NIPBL: variants seen among roughly 807,000 people sequenced by gnomAD.
The protein encoded by NIPBL is NIPBL cohesin loading factor, also known as nipped-B-like protein.
A neutral mutation model predicts 321.8 loss-of-function variants in NIPBL; 19 were observed. The ratio of observed to expected loss-of-function variants is 0.06; its 90% CI spans 0.04 to 0.09. NIPBL has a LOEUF of 0.09. NIPBL is among the 10% of genes least tolerant of loss of function. The pLI, the probability that NIPBL is intolerant of heterozygous loss-of-function variation, is 1.00. For synonymous variants in NIPBL, 1,106 were observed against 1,114.1 expected, an observed-to-expected ratio of 0.99 and a Z score of 0.14; for missense variants, 2,210 against 3,327.0, an observed-to-expected ratio of 0.66 and a Z score of 8.26.
intron 10 of NIPBL, among the ~76,000 whole-genome samples, chr5:36,993,950 G>A (rs936550793): frequency 1.2e-4 from 18 of 152,090 alleles, no homozygotes; most frequent in African/African-American, 4.1e-4. Flanking sequence ...TAGGTCATGT[G>A]GAAAAGGGAA....
chr5:37,056,716 A>G (rs1754126662), intron 42 of NIPBL, among the ~76,000 whole-genome samples: 3 of 152,318 alleles, frequency 2.0e-5, no homozygotes, highest in Admixed American at 2.0e-4. Flanking sequence ...ACTGATCTCC[A>G]TATAGGTTAA....
intron 1 of NIPBL, among the ~76,000 whole-genome samples, chr5:36,918,755 A>G (rs1432498217): frequency 1.3e-5 from 2 of 152,136 alleles, no homozygotes; most frequent in African/African-American, 4.8e-5. Context: ...ATTTTGTCAA[A>G]GGCCTTTTCT....
intron 38 of NIPBL, among the ~76,000 whole-genome samples, chr5:37,047,376 A>G (rs1393471124): frequency 6.6e-6 from 1 of 152,238 alleles, no homozygotes; most frequent in East Asian, 1.9e-4. Flanking sequence ...AAAAGATTCT[A>G]ACTTACCCAT....
intron 1 of NIPBL, among the ~76,000 whole-genome samples, chr5:36,884,842 G>T (rs1326087737): frequency 6.6e-6 from 1 of 151,982 alleles, no homozygotes; most frequent in Non-Finnish European, 1.5e-5. Context: ...TTTGGGGGTA[G>T]GAATATTTTA....
intron 1 of NIPBL, among the ~76,000 whole-genome samples, chr5:36,932,778 G>GT (rs35264312): frequency 0.079 from 5,477 of 69,732 alleles, 646 homozygotes; most frequent in African/African-American, 0.25. Context: ...TTCCTCTGCT[G>GT]TTTTTTTTTT....
At chr5:37,040,182 G>T (rs1036123503) in intron 34 of NIPBL, among the ~76,000 whole-genome samples, 2 of 152,082 alleles carry the variant, frequency 1.3e-5, no homozygotes, top group Non-Finnish European at 2.9e-5. Context: ...GTCCTTGCAT[G>T]ATTTTGAACC....
chr5:36,983,390 T>C (rs1298040288), intron 9 of NIPBL, among the ~76,000 whole-genome samples: 1 of 151,814 alleles, frequency 6.6e-6, no homozygotes, highest in African/African-American at 2.4e-5. Context: ...CTTCCCACTT[T>C]AAAAAGAAAA....
chr5:36,946,558 A>T (rs541502662), intron 1 of NIPBL, among the ~76,000 whole-genome samples: 1 of 136,630 alleles, frequency 7.3e-6, no homozygotes, highest in Non-Finnish European at 1.6e-5. Flanking sequence ...GTGTGTGTGT[A>T]TATATATGCA....
intron 4 of NIPBL, among the ~76,000 whole-genome samples, chr5:36,958,503 C>T (rs2149603403): frequency 6.6e-6 from 1 of 152,170 alleles, no homozygotes; most frequent in African/African-American, 2.4e-5. Context: ...TTTAGAAAAT[C>T]AGAATTAATT....
intron 32 of NIPBL, among the ~76,000 whole-genome samples, chr5:37,027,896 G>A (rs1750490101): frequency 2.6e-5 from 4 of 152,142 alleles, no homozygotes; most frequent in African/African-American, 9.6e-5. Context: ...TGGGATTATA[G>A]GCATGAGCCA....
intron 20 of NIPBL, 134 bp downstream of exon 20, chr5:37,008,857 A>G: frequency 6.1e-6 from 4 of 651,462 alleles, no homozygotes; most frequent in Middle Eastern, 3.6e-4. Flanking sequence ...GAACAGCATG[A>G]AAAATAGATG....
intron 1 of NIPBL, among the ~76,000 whole-genome samples, chr5:36,894,346 CTATT>C (rs1305296653): frequency 6.6e-6 from 1 of 152,032 alleles, no homozygotes; most frequent in Admixed American, 6.6e-5. Context: ...AAAAAAAACT[CTATT>C]TATATGAGAA....
chr5:36,882,346 CTG>C (rs758621707), intron 1 of NIPBL, among the ~76,000 whole-genome samples: 21 of 151,842 alleles, frequency 1.4e-4, no homozygotes, highest in Middle Eastern at 6.8e-3. Flanking sequence ...GTGACAGAAA[CTG>C]TGCGAGGGAA....
chr5:36,940,084 A>T (rs1738893696), intron 1 of NIPBL, among the ~76,000 whole-genome samples: 1 of 152,142 alleles, frequency 6.6e-6, no homozygotes, highest in Non-Finnish European at 1.5e-5. Context: ...TTTTTCCTTT[A>T]AAGTTTATTC....
chr5:36,996,213 AG>A lies in NIPBL; in HGVS notation c.3304+412del, dbSNP rs1354023647. 6.6e-6 allele frequency among the ~76,000 whole-genome samples: 1 copy of A among 152,192 alleles called. No homozygotes were observed. The highest frequency in any genetic ancestry group is 2.4e-5 in the African/African-American group (1 of 41,460). ...AAAGTACAATGATAACAGTAAATCC[AG>A]GGTGCTATGGGAACACATTGGATTG... is the stretch of plus-strand genomic sequence containing the variant. On this transcript the variant is annotated intron_variant, in intron 11 of 46. Transcript: ENST00000282516. This position sits in a 1 kb window ranked among gnomAD's most constrained non-coding sequence, Gnocchi z 5.0.
At chr5:36,918,390 G>A (rs1748646619) in intron 1 of NIPBL, among the ~76,000 whole-genome samples, 1 of 152,148 alleles carries the variant, frequency 6.6e-6, no homozygotes, top group African/African-American at 2.4e-5. Flanking sequence ...CTGAGACTTT[G>A]CTGAAGTTGT....
intron 1 of NIPBL, among the ~76,000 whole-genome samples, chr5:36,935,088 T>C (rs1580270760): frequency 6.6e-6 from 1 of 152,130 alleles, no homozygotes; most frequent in East Asian, 1.9e-4. Flanking sequence ...CTCTCTGTTT[T>C]GGCAAAACCA....
intron 32 of NIPBL, among the ~76,000 whole-genome samples, chr5:37,034,477 T>G (rs1378991769): frequency 6.6e-6 from 1 of 152,156 alleles, no homozygotes; most frequent in Non-Finnish European, 1.5e-5. Flanking sequence ...GATTAACCTA[T>G]CTACAAAAGA....
chr5:37,008,171 A>G, intron 19 of NIPBL, 83 bp downstream of exon 19: 2 of 883,778 alleles, frequency 2.3e-6, no homozygotes, highest in South Asian at 1.4e-5. Flanking sequence ...CCAAAAAATA[A>G]TGAAGATACC....
Sources: gnomAD v4.1 joint callset for allele counts (sites outside exome capture counted in the v4.1 genomes callset) on GRCh38, gnomAD v4.1.1 for gene constraint, Gnocchi (gnomAD v3.1) non-coding constraint, MANE v1.5 for transcripts, NCBI Gene and HGNC (gene_info 2026-07-23, HGNC 2026-07-21) for gene names.